Variants in ARRB1 observed in about 807,000 individuals in gnomAD.
The protein encoded by ARRB1 is beta-arrestin-1.
ARRB1 carries 21 observed loss-of-function variants against 56.8 expected under a neutral mutation model. The ratio of observed to expected loss-of-function variants is 0.37; its 90% CI spans 0.26 to 0.53. ARRB1 has a LOEUF of 0.53. Among genes scored for constraint, ARRB1 ranks in the 20% least tolerant of loss-of-function variants. The pLI is 0.88. For synonymous variants in ARRB1, 210 were observed against 218.6 expected (o/e 0.96, Z 0.35); for missense variants, 424 against 553.7 (o/e 0.77, Z 2.35).
At position 75,329,160 on chromosome 11, in the gene ARRB1, C is replaced by T. The variant is rs982070496; in HGVS notation, c.20+22428G>A. Among the ~76,000 whole-genome samples the T allele has an allele frequency of 8.8e-5, 13 of 147,016 alleles. No individual in the cohort carries two copies. The East Asian group carries it at 1.2e-3, about 14-fold the overall frequency. ...CCAGGCTGACATGCAGTAACAATTA[C>T]GGCTCACAGGGCTCACTGCAGCCTC... On this transcript the variant is annotated intron_variant, in intron 1 of 15. Transcript: ENST00000420843.
chr11:75,311,978 G>A (rs1012736652), intron 1 of ARRB1: 1 of 1,232,634 alleles, frequency 8.1e-7, no homozygotes, highest in African/African-American at 1.5e-5. Context: ...CCTGGGCCGA[G>A]GGGCTGGGAA....
At chr11:75,279,785 G>A (rs963916950) in intron 7 of ARRB1, among the ~76,000 whole-genome samples, 3 of 151,930 alleles carry the variant, frequency 2.0e-5, no homozygotes, top group East Asian at 3.9e-4. Context: ...CTCCTGCCTC[G>A]GCCTTCTGAG....
At position 75,265,841 on chromosome 11, in the gene ARRB1, C is replaced by T; in HGVS notation, c.*322G>A. On this transcript the variant is annotated 3_prime_UTR_variant, in exon 16 of 16. Transcript: ENST00000420843. The stretch of plus-strand genomic sequence containing the variant: ...CCCACCACACCGTGTCCCACATTCC[C>T]CATCCTCCCCTGTCTGCTCCCCATC... 1 of 370,098 alleles carries T rather than the reference C, an allele frequency of 2.7e-6. No homozygotes were observed. Among genetic ancestry groups the T allele is most frequent in the Non-Finnish European group, 5.1e-6 (1 of 196,334 alleles). 22.9% of individuals were successfully genotyped at this position (370,098 alleles called of 1,614,324 possible).
chr11:75,335,462 G>A (rs1162271006), intron 1 of ARRB1, among the ~76,000 whole-genome samples: 1 of 152,162 alleles, frequency 6.6e-6, no homozygotes, highest in Non-Finnish European at 1.5e-5. Context: ...GCGAACACCT[G>A]TGGTCCCAGC....
rs1945898803 is a variant in ARRB1, at chr11:75,266,030, TGGAAGCCCAC to T, written c.*123_*132del. 1.8e-5 allele frequency: 13 copies of T among 711,500 alleles called. No homozygotes were observed. The East Asian group carries it at 1.9e-4, about 10-fold the overall frequency. The allele number at this position is 711,500 out of a possible 1,614,324, so 44.1% of individuals were successfully genotyped here. Reference sequence around the variant, plus strand: ...AGGCCAGAGGTTCATCACCGTGATCTGGAAGCCCACGGGGCCCCCTGGTAGAAACTGGAAG... The same window carrying T: ...AGGCCAGAGGTTCATCACCGTGATCTGGGGCCCCCTGGTAGAAACTGGAAG... On this transcript the variant is annotated 3_prime_UTR_variant, in exon 16 of 16. Coordinates refer to ENST00000420843, the MANE Select transcript of ARRB1 (RefSeq NM_004041.5).
chr11:75,278,806 C>A (rs568141722), intron 7 of ARRB1, 62 bp from the exon 8 acceptor site: 368 of 1,545,544 alleles, frequency 2.4e-4, no homozygotes, highest in Non-Finnish European at 3.2e-4. Context: ...CCTCTCCTTG[C>A]GAGCCTCACA....
intron 1 of ARRB1, among the ~76,000 whole-genome samples, chr11:75,320,009 C>A (rs1947321234): frequency 6.6e-6 from 1 of 152,190 alleles, no homozygotes. Context: ...CCCCAGGAAA[C>A]CGAAGCCCCA....
In ARRB1 at chr11:75,338,593, T is replaced by C. The variant is rs1383032626; in HGVS notation, c.20+12995A>G. On this transcript the variant is annotated intron_variant, in intron 1 of 15. Transcript: ENST00000420843. ...CAGTGTGGGGCCAGGTCATGGTTCT[T>C]TGAAAGTTCTCCCTACTACAAAGTT... 5.3e-5 allele frequency among the ~76,000 whole-genome samples: 8 copies of C among 152,282 alleles called. No homozygotes were observed. The South Asian group carries it at 1.7e-3, about 32-fold the overall frequency.
intron 2 of ARRB1, among the ~76,000 whole-genome samples, chr11:75,287,594 A>T (rs1370044305): frequency 6.6e-6 from 1 of 152,216 alleles, no homozygotes; most frequent in Non-Finnish European, 1.5e-5. Context: ...AAAACCCTTG[A>T]AGGAGTCATT....
In ARRB1 at chr11:75,348,197, A is replaced by G. The variant is rs115129654; in HGVS notation, c.20+3391T>C. Among the ~76,000 whole-genome samples, 1,097 of 152,286 alleles carry G rather than the reference A, an allele frequency of 7.2e-3. 13 individuals carry two copies. The highest frequency in any genetic ancestry group is 0.025 in the African/African-American group (1,052 of 41,548). On this transcript the variant is annotated intron_variant, in intron 1 of 15. Transcript: ENST00000420843. ...ATCCCCAGCCCAGGCCCCAGGCTGC[A>G]CGCCTTGCTTCCTGCCTCCAAGCCA...
chr11:75,306,014 T>G (rs1485998554), intron 1 of ARRB1, among the ~76,000 whole-genome samples: 1 of 152,158 alleles, frequency 6.6e-6, no homozygotes, highest in Non-Finnish European at 1.5e-5. Flanking sequence ...TCATCCTCTG[T>G]GATCCACCCT....
At chr11:75,326,898 A>G (rs1254330663) in intron 1 of ARRB1, among the ~76,000 whole-genome samples, 1 of 151,640 alleles carries the variant, frequency 6.6e-6, no homozygotes, top group Admixed American at 6.6e-5. Context: ...GTAGAGATAG[A>G]GTTTTGCCAT....
chr11:75,283,149 G>A, intron 5 of ARRB1, 138 bp downstream of exon 5: 2 of 885,800 alleles, frequency 2.3e-6, no homozygotes, highest in Non-Finnish European at 3.4e-6. Context: ...ACAGGTGACA[G>A]TGCCCCAGGT....
intron 1 of ARRB1, among the ~76,000 whole-genome samples, chr11:75,296,375 T>C (rs186061696): frequency 1.3e-5 from 2 of 152,286 alleles, no homozygotes; most frequent in Non-Finnish European, 1.5e-5. Flanking sequence ...TGCTGGATGC[T>C]GTCTTCTGAT....
chr11:75,316,483 C>T (rs1193497622), intron 1 of ARRB1, among the ~76,000 whole-genome samples: 1 of 152,186 alleles, frequency 6.6e-6, no homozygotes, highest in Non-Finnish European at 1.5e-5. Context: ...AAACTGAGCT[C>T]CCTACTTGCA....
chr11:75,268,484 A>C (rs1033433057), intron 14 of ARRB1, among the ~76,000 whole-genome samples: 8 of 146,538 alleles, frequency 5.5e-5, no homozygotes, highest in African/African-American at 2.1e-4. Flanking sequence ...CAGCCTGGGC[A>C]ACAGAGTGAG....
At chr11:75,308,771 A>G (rs1221001659) in intron 1 of ARRB1, among the ~76,000 whole-genome samples, 2 of 151,918 alleles carry the variant, frequency 1.3e-5, no homozygotes, top group Non-Finnish European at 2.9e-5. Context: ...CCCTACAGTA[A>G]TATTTTTTTC....
At chr11:75,313,626 G>A (rs923911925) in intron 1 of ARRB1, among the ~76,000 whole-genome samples, 3 of 152,166 alleles carry the variant, frequency 2.0e-5, no homozygotes, top group African/African-American at 7.2e-5. Flanking sequence ...CACACAGGAA[G>A]GGCCCTGGCT....
intron 1 of ARRB1, among the ~76,000 whole-genome samples, chr11:75,313,151 G>A (rs1469745876): frequency 1.3e-5 from 2 of 152,110 alleles, no homozygotes; most frequent in Non-Finnish European, 2.9e-5. Context: ...TCAGGAGTTC[G>A]AAACCAACCT....
Sources: gnomAD v4.1 joint callset for allele counts (sites outside exome capture counted in the v4.1 genomes callset) on GRCh38, gnomAD v4.1.1 for gene constraint, MANE v1.5 for transcripts, NCBI Gene and HGNC (gene_info 2026-07-23, HGNC 2026-07-21) for gene names.